The following SDF2L1 variants were observed in gnomAD, a reference collection of about 807,000 sequenced individuals.
SDF2L1 encodes the protein stromal cell-derived factor 2-like protein 1.
SDF2L1 carries 18 observed loss-of-function variants against 19.4 expected under a neutral mutation model. The observed-to-expected ratio is 0.93, with a 90% CI of 0.64 to 1.38. The LOEUF (loss-of-function observed/expected upper bound fraction) is 1.38, where lower values mean the gene tolerates loss of function less well. Ranked by LOEUF, SDF2L1 falls within the 40% of genes most tolerant of loss-of-function variation. SDF2L1 has a pLI of 0.00. For synonymous variants in SDF2L1, 161 were observed against 148.9 expected (o/e 1.08, Z -0.59); for missense variants, 263 against 319.4 (o/e 0.82, Z 1.35).
At chr22:21,643,287 C>A (rs1445498875) in intron 2 of SDF2L1, 1 of 598,378 alleles carries the variant, frequency 1.7e-6, no homozygotes, top group South Asian at 2.0e-5. Context: ...CGGAGAGATA[C>A]GCCTGGATAG....
chr22:21,642,677 G>T (rs1421589712), intron 1 of SDF2L1, among the ~76,000 whole-genome samples, 154 bp downstream of exon 1: 1 of 151,702 alleles, frequency 6.6e-6, no homozygotes, highest in East Asian at 1.9e-4. Flanking sequence ...AAGCTTTGAG[G>T]GTGTCGAGGA....
rs1448647568 is a variant in SDF2L1, at chr22:21,644,166, T to C, written c.657T>C (p.Asp219=). The change falls in exon 3 of 3, where the codon GAT becomes GAC. Residue 219 remains aspartate (D), a synonymous_variant. Coordinates refer to ENST00000248958, the MANE Select transcript of SDF2L1 (RefSeq NM_022044.3). ...KPSVEPSAGH[D]EL is the part of the protein sequence containing the mutation. ...GTGTGGAGCCCTCTGCAGGTCACGA[T>C]GAACTCTGAGTGTGTGGATGGATGG... 3.1e-6 allele frequency: 5 copies of C among 1,613,812 alleles called. No homozygotes were observed. Among genetic ancestry groups the C allele is most frequent in the Non-Finnish European group, 4.2e-6 (5 of 1,179,752 alleles).
chr22:21,642,750 G>A (rs2066089232), intron 1 of SDF2L1, 112 bp from the exon 2 acceptor site: 3 of 1,339,848 alleles, frequency 2.2e-6, no homozygotes, highest in African/African-American at 3.0e-5. Flanking sequence ...GTGTCAGGCG[G>A]GGGCTGGGGG....
chr22:21,642,320 G>A lies in SDF2L1; in HGVS notation c.-17G>A, dbSNP rs1034434034. 7 of 1,338,806 alleles carry A rather than the reference G, an allele frequency of 5.2e-6. No homozygotes were observed. Among genetic ancestry groups the A allele is most frequent in the Non-Finnish European group, 6.7e-6 (7 of 1,052,554 alleles). 82.9% of individuals were successfully genotyped at this position (1,338,806 alleles called of 1,614,324 possible). ...AAGCGGCCCCTGGGCCCGAGGGGCT[G>A]GAGCCGGGCCGGGGCGATGTGGAGC... On this transcript the variant is annotated 5_prime_UTR_variant, in exon 1 of 3. Transcript: ENST00000248958.
chr22:21,642,755 TG>T (rs1005972003), intron 1 of SDF2L1, 106 bp from the exon 2 acceptor site: 226 of 1,288,014 alleles, frequency 1.8e-4, no homozygotes, highest in Non-Finnish European at 2.3e-4. Context: ...AGGCGGGGGC[TG>T]GGGGTGAGCC....
At chr22:21,643,422 C>G in intron 2 of SDF2L1, 1 of 450,494 alleles carries the variant, frequency 2.2e-6, no homozygotes, top group Non-Finnish European at 4.0e-6. Context: ...AGGAGTCCTA[C>G]AAGCCACAAA....
In SDF2L1 at chr22:21,642,960, TC is replaced by T. The variant is rs747450266; in HGVS notation, c.290del (p.Pro97ArgfsTer8). 3.5e-5 allele frequency: 55 copies of T among 1,569,376 alleles called. No homozygotes were observed. The highest frequency in any genetic ancestry group is 2.1e-4 in the Middle Eastern group (1 of 4,846). On this transcript the variant is annotated frameshift_variant, in exon 2 of 3. Coordinates refer to ENST00000248958, the MANE Select transcript of SDF2L1 (RefSeq NM_022044.3). LOFTEE classifies it high-confidence loss of function. ...GGSEGGCPRG[S>X]PVRCGQAVRL... ...CTCGGAGGGCGGGTGCCCGCGCGGG[TC>T]CCCGGTGCGCTGCGGGCAGGCGGTG... is the stretch of plus-strand genomic sequence containing the variant.
Position 21,643,968 on chromosome 22 carries a change from C to T in SDF2L1, c.459C>T (p.His153=). ...GGACAGTGCGCTGCTCTGGACAGCA[C>T]TGGGAGCGTGAGGCTGCTGTGCGCT... The part of the protein sequence containing the change: ...DLWTVRCSGQ[H]WEREAAVRFQ... The change falls in exon 3 of 3, where the codon CAC becomes CAT. Residue 153 remains histidine, a synonymous_variant. Coordinates refer to ENST00000248958, the MANE Select transcript of SDF2L1 (RefSeq NM_022044.3). 1 of 1,614,156 alleles carries T rather than the reference C, an allele frequency of 6.2e-7. No individual in the cohort carries two copies. Among genetic ancestry groups the T allele is most frequent in the Non-Finnish European group, 8.5e-7 (1 of 1,180,034 alleles).
At position 21,642,467 on chromosome 22, in the gene SDF2L1, T is replaced by C. The variant is rs2066086525; in HGVS notation, c.131T>C (p.Leu44Pro). The C allele has an allele frequency of 6.6e-7, 1 of 1,508,524 alleles. No homozygotes were observed. Among genetic ancestry groups the C allele is most frequent in the Admixed American group, 2.6e-5 (1 of 38,360 alleles). The allele number at this position is 1,508,524 out of a possible 1,614,324, so 93.4% of individuals were successfully genotyped here. ...GTGACCTGCGGGTCGGTGCTGAAGC[T>C]GCTCAATACGCACCACCGCGTGCGG... is the stretch of plus-strand genomic sequence containing the variant. ...ELVTCGSVLKLLNTHHRVRLH... is the reference protein window; with the variant it reads ...ELVTCGSVLKPLNTHHRVRLH... The change falls in exon 1 of 3, where the codon CTG (leucine) becomes CCG (proline). Residue 44 changes from leucine to proline, a missense_variant. By Grantham distance (98) the Leu-to-Pro change is moderately conservative (BLOSUM62 -3). Coordinates refer to ENST00000248958, the MANE Select transcript of SDF2L1 (RefSeq NM_022044.3).
At position 21,644,119 on chromosome 22, in the gene SDF2L1, GA is replaced by G; in HGVS notation, c.612del (p.Gly205AlafsTer52). ...ANTHNTWKAM[E>X]GIFIKPSVEP... ...CACGCACAATACGTGGAAGGCCATG[GA>G]AGGCATCTTCATCAAGCCTAGTGTG... On this transcript the variant is annotated frameshift_variant, in exon 3 of 3. Transcript: ENST00000248958. LOFTEE classifies it high-confidence loss of function. 1.2e-6 allele frequency: 2 copies of G among 1,614,182 alleles called. No homozygotes were observed. The highest frequency in any genetic ancestry group is 1.7e-6 in the Non-Finnish European group (2 of 1,180,032).
Position 21,642,394 on chromosome 22 carries a change from G to C in SDF2L1, c.58G>C (p.Ala20Pro). Residue 20 changes from alanine (A) to proline (P), a missense_variant, in exon 1 of 3, where the codon GCG becomes CCG. Physicochemically the swap from Ala to Pro is conservative, Grantham distance 27. Coordinates refer to ENST00000248958, the MANE Select transcript of SDF2L1 (RefSeq NM_022044.3). ...GCCGGTGCTGTTGGGGCTGCTGCTG[G>C]CGCTGTTAGTGCCGGGCGGTGGTGC... The part of the protein sequence containing the change: ...AWPVLLGLLL[A>P]LLVPGGGAAK... The C allele has an allele frequency of 6.9e-7, 1 of 1,448,796 alleles. No individual in the cohort carries two copies. Among genetic ancestry groups the C allele is most frequent in the Middle Eastern group, 2.3e-4 (1 of 4,304 alleles). The allele number at this position is 1,448,796 out of a possible 1,614,324, so 89.7% of individuals were successfully genotyped here.
rs555950380 is a variant in SDF2L1, at chr22:21,643,990, C to G, written c.481C>G (p.Arg161Gly). 1.2e-6 allele frequency: 2 copies of G among 1,614,018 alleles called. No individual in the cohort carries two copies. The highest frequency in any genetic ancestry group is 2.7e-5 in the African/African-American group (2 of 74,918). The stretch of plus-strand genomic sequence containing the variant: ...GCACTGGGAGCGTGAGGCTGCTGTG[C>G]GCTTCCAGCATGTGGGCACCTCTGT... ...GQHWEREAAVRFQHVGTSVFL... is the reference protein window; with the variant it reads ...GQHWEREAAVGFQHVGTSVFL... The change falls in exon 3 of 3, where the codon CGC (arginine) becomes GGC (glycine). Residue 161 changes from arginine to glycine, a missense_variant. Physicochemically the swap from Arg to Gly is moderately radical, Grantham distance 125. Coordinates refer to ENST00000248958, the MANE Select transcript of SDF2L1 (RefSeq NM_022044.3).
Position 21,642,352 on chromosome 22 carries a change from C to T in SDF2L1, c.16C>T (p.Arg6Cys). 2 of 1,386,792 alleles carry T rather than the reference C, an allele frequency of 1.4e-6. No individual in the cohort carries two copies. The highest frequency in any genetic ancestry group is 1.7e-5 in the South Asian group (1 of 57,846). The allele number at this position is 1,386,792 out of a possible 1,614,324, so 85.9% of individuals were successfully genotyped here. Residue 6 changes from arginine to cysteine, a missense_variant, in exon 1 of 3, where the codon CGC (arginine) becomes TGC (cysteine). Physicochemically the swap from Arg to Cys is radical, Grantham distance 180 (BLOSUM62 -3). Transcript: ENST00000248958. MWSAG[R>C]GGAAWPVLLG... ...GGCCGGGGCGATGTGGAGCGCGGGC[C>T]GCGGCGGGGCTGCCTGGCCGGTGCT... is the stretch of plus-strand genomic sequence containing the variant.
chr22:21,644,123 G>T lies in SDF2L1; in HGVS notation c.614G>T (p.Gly205Val), dbSNP rs140443538. The T allele has an allele frequency of 6.2e-7, 1 of 1,614,172 alleles. No homozygotes were observed. The highest frequency in any genetic ancestry group is 8.5e-7 in the Non-Finnish European group (1 of 1,180,026). The change falls in exon 3 of 3, where the codon GGC (glycine) becomes GTC (valine). Residue 205 changes from glycine (G) to valine (V), a missense_variant. Physicochemically the swap from Gly to Val is moderately radical, Grantham distance 109. Transcript: ENST00000248958. ...CACAATACGTGGAAGGCCATGGAAG[G>T]CATCTTCATCAAGCCTAGTGTGGAG... ...NTHNTWKAME[G>V]IFIKPSVEPS...
chr22:21,642,682 C>G (rs2066088454), intron 1 of SDF2L1, among the ~76,000 whole-genome samples, 159 bp downstream of exon 1: 1 of 133,820 alleles, frequency 7.5e-6, no homozygotes, highest in Non-Finnish European at 1.6e-5. Flanking sequence ...TTGAGGGTGT[C>G]GAGGATATTG....
At position 21,643,042 on chromosome 22, in the gene SDF2L1, C is replaced by G; in HGVS notation, c.368C>G (p.Pro123Arg). The G allele has an allele frequency of 6.4e-7, 1 of 1,555,660 alleles. No individual in the cohort carries two copies. ...KNLHTHHFPS[P>R]LSNNQEVSAF... The stretch of plus-strand genomic sequence containing the variant: ...CTGCACACGCACCACTTCCCGTCGC[C>G]GCTGTCCAACAACCAGGTGAGCCCC... The change falls in exon 2 of 3, where the codon CCG (proline) becomes CGG (arginine). Residue 123 changes from proline (P) to arginine (R), a missense_variant. Physicochemically the swap from Pro to Arg is moderately radical, Grantham distance 103 (BLOSUM62 -2). Around this residue, in one of 3 missense-constraint regions of SDF2L1, gnomAD observed 203 missense variants for 256.9 expected, o/e 0.79. Transcript: ENST00000248958.
At position 21,644,108 on chromosome 22, in the gene SDF2L1, G is replaced by A. The variant is rs1403498235; in HGVS notation, c.599G>A (p.Trp200Ter). The change falls in exon 3 of 3, where the codon TGG becomes TAG. Residue 200 changes from tryptophan (W) to a stop codon, truncating the protein, a stop_gained. Coordinates refer to ENST00000248958, the MANE Select transcript of SDF2L1 (RefSeq NM_022044.3). LOFTEE classifies it high-confidence loss of function. The part of the protein sequence containing the change: ...GMPSANTHNT[W>*]KAMEGIFIKP... ...CCCAGTGCCAACACGCACAATACGT[G>A]GAAGGCCATGGAAGGCATCTTCATC... 1 of 1,614,024 alleles carries A rather than the reference G, an allele frequency of 6.2e-7. No homozygotes were observed.
Position 21,642,636 on chromosome 22 carries a change from G to C in SDF2L1, c.187+113G>C, listed in dbSNP as rs1315538156. The C allele has an allele frequency of 3.7e-6, 5 of 1,342,130 alleles. No individual in the cohort carries two copies. In the African/African-American group the frequency reaches 4.5e-5, roughly 12 times the overall value. 83.1% of individuals were successfully genotyped at this position (1,342,130 alleles called of 1,614,324 possible). A position where few individuals can be genotyped will look rare whatever the true frequency, so the allele number is the denominator to read the frequency against. On this transcript the variant is annotated intron_variant, in intron 1 of 2. Transcript: ENST00000248958. The stretch of plus-strand genomic sequence containing the variant: ...GCCGTCTGGAAGCCGGGCGGCGGGG[G>C]CTCTAGAGTCGTTGGGAGGTCGAGG...
Position 21,644,133 on chromosome 22 carries a change from C to G in SDF2L1, c.624C>G (p.Ile208Met). 1 of 1,614,214 alleles carries G rather than the reference C, an allele frequency of 6.2e-7. No homozygotes were observed. Among genetic ancestry groups the G allele is most frequent in the Non-Finnish European group, 8.5e-7 (1 of 1,180,042 alleles). Residue 208 changes from isoleucine to methionine, a missense_variant, in exon 3 of 3, where the codon ATC (isoleucine) becomes ATG (methionine). Around this residue, in one of 3 missense-constraint regions of SDF2L1, gnomAD observed 203 missense variants for 256.9 expected, o/e 0.79. Coordinates refer to ENST00000248958, the MANE Select transcript of SDF2L1 (RefSeq NM_022044.3). Reference protein sequence around the residue: ...NTWKAMEGIFIKPSVEPSAGH... With the variant: ...NTWKAMEGIFMKPSVEPSAGH... ...GGAAGGCCATGGAAGGCATCTTCAT[C>G]AAGCCTAGTGTGGAGCCCTCTGCAG...
Sources: allele counts gnomAD v4.1 joint callset (sites outside exome capture counted in the v4.1 genomes callset), GRCh38; gene constraint gnomAD v4.1.1; regional missense constraint gnomAD v4.1.1; transcripts MANE v1.5; gene names NCBI Gene and HGNC (gene_info 2026-07-23, HGNC 2026-07-21).